Variants in MICAL3 observed in about 807,000 individuals in gnomAD.
The protein encoded by MICAL3 is [F-actin]-monooxygenase MICAL3.
Under a neutral mutation model 207.4 loss-of-function variants are expected in MICAL3, and 62 were observed. That is an observed-to-expected ratio of 0.30 (90% CI 0.24 to 0.37). The LOEUF (loss-of-function observed/expected upper bound fraction) is 0.37, where lower values mean the gene tolerates loss of function less well. MICAL3 is among the 10% of genes least tolerant of loss of function. The pLI is 1.00. For missense variants in MICAL3, 2,368 were observed against 2,635.6 expected, an observed-to-expected ratio of 0.90 and a Z score of 2.22; for synonymous variants, 1,077 against 1,069.3, an observed-to-expected ratio of 1.01 and a Z score of -0.14.
At chr22:17,958,561 G>A (rs554789837) in intron 1 of MICAL3, among the ~76,000 whole-genome samples, 1 of 152,308 alleles carries the variant, frequency 6.6e-6, no homozygotes, top group Non-Finnish European at 1.5e-5. Flanking sequence ...GCCCTCGACA[G>A]GGCAAGCTGA....
intron 16 of MICAL3, chr22:17,884,292 TG>T: frequency 6.3e-7 from 1 of 1,587,430 alleles, no homozygotes; most frequent in Admixed American, 1.8e-5. Flanking sequence ...CACCGGGGGG[TG>T]GGGGCAGGGC....
At chr22:17,994,954 C>A (rs974472000) in intron 1 of MICAL3, among the ~76,000 whole-genome samples, 8 of 151,968 alleles carry the variant, frequency 5.3e-5, no homozygotes, top group Non-Finnish European at 1.0e-4. Context: ...TGCAGACGTG[C>A]CTAATGCAGG....
At chr22:17,812,495 A>G (rs1169159430) in intron 27 of MICAL3, 1 of 985,566 alleles carries the variant, frequency 1.0e-6, no homozygotes, top group African/African-American at 1.7e-5. Flanking sequence ...GCTGACAGGA[A>G]CGAGACACTA....
chr22:17,841,631 G>C lies in MICAL3; in HGVS notation c.2801+191C>G. ...TAAATACTTCCTGAATCTCTGAATT[G>C]AGTCTGATGGAGGAGTCCTCACTGA... On this transcript the variant is annotated intron_variant, in intron 20 of 31. Transcript: ENST00000441493. This position sits in a 1 kb window ranked among gnomAD's most constrained non-coding sequence, Gnocchi z 4.2. 3 of 601,350 alleles carry C rather than the reference G, an allele frequency of 5.0e-6. No individual in the cohort carries two copies. In the South Asian group the frequency reaches 6.0e-5, roughly 12 times the overall value. The allele number at this position is 601,350 out of a possible 1,614,324, so 37.3% of individuals were successfully genotyped here.
intron 19 of MICAL3, among the ~76,000 whole-genome samples, chr22:17,847,867 G>T (rs987452886): frequency 6.6e-6 from 1 of 152,182 alleles, no homozygotes; most frequent in African/African-American, 2.4e-5. Flanking sequence ...GTCTCGCTAT[G>T]TTGCCCAGGC....
intron 1 of MICAL3, chr22:18,005,131 C>T (rs558216429): frequency 4.6e-5 from 7 of 152,100 alleles, no homozygotes; most frequent in South Asian, 2.1e-4. Flanking sequence ...ATGGGGGTTT[C>T]GCTATCTTGG....
At chr22:17,888,168 CA>C (rs1171953327) in intron 13 of MICAL3, among the ~76,000 whole-genome samples, 1 of 152,160 alleles carries the variant, frequency 6.6e-6, no homozygotes, top group Non-Finnish European at 1.5e-5. Flanking sequence ...ATATTATCCC[CA>C]TTTTACACCC....
chr22:17,863,056 C>G, intron 19 of MICAL3: 1 of 985,456 alleles, frequency 1.0e-6, no homozygotes, highest in Non-Finnish European at 1.2e-6. Flanking sequence ...TCTCTCCCCA[C>G]TATGTAGAAC....
At position 17,907,031 on chromosome 22, in the gene MICAL3, A is replaced by G. The variant is rs967608362; in HGVS notation, c.-74-145T>C. Reference sequence around the variant, plus strand: ...ACTGCACACCTGCAATACTCCAGGCACTACGAAACACTGGGGCTGGAAAGG... The same window carrying G: ...ACTGCACACCTGCAATACTCCAGGCGCTACGAAACACTGGGGCTGGAAAGG... On this transcript the variant is annotated intron_variant, in intron 1 of 31. Transcript: ENST00000441493. 91 of 490,274 alleles carry G rather than the reference A, an allele frequency of 1.9e-4. No homozygotes were observed. The East Asian group carries it at 2.6e-3, about 14-fold the overall frequency. The allele number at this position is 490,274 out of a possible 1,614,324, so 30.4% of individuals were successfully genotyped here.
chr22:17,852,990 G>C (rs1299191800), intron 19 of MICAL3, among the ~76,000 whole-genome samples: 1 of 151,616 alleles, frequency 6.6e-6, no homozygotes, highest in Non-Finnish European at 1.5e-5. Flanking sequence ...CAGGAGAATC[G>C]CTTGAACCTG....
At chr22:17,795,977 AG>A (rs764322825) in intron 29 of MICAL3, among the ~76,000 whole-genome samples, 34 of 152,236 alleles carry the variant, frequency 2.2e-4, no homozygotes, top group Admixed American at 6.5e-5. Context: ...ACTGGTTCTA[AG>A]AACAAAGATG....
intron 16 of MICAL3, among the ~76,000 whole-genome samples, chr22:17,878,232 G>C (rs1929067840): frequency 6.6e-6 from 1 of 152,216 alleles, no homozygotes; most frequent in South Asian, 2.1e-4. Flanking sequence ...GCAAAATGGA[G>C]GGCACTGCCC....
chr22:17,986,866 C>G (rs1222314405), intron 1 of MICAL3, among the ~76,000 whole-genome samples: 1 of 152,142 alleles, frequency 6.6e-6, no homozygotes, highest in African/African-American at 2.4e-5. Context: ...TCTTTTCTCC[C>G]ATTTATTTCC....
rs1273750254 is a variant in MICAL3, at chr22:17,877,180, GGGAAGTTAT to G, written c.2242-5166_2242-5158del. On this transcript the variant is annotated intron_variant, in intron 16 of 31. Transcript: ENST00000441493. ...GAGGTTATGGAGGTTAGGGAGGTTA[GGGAAGTTAT>G]GGAGGTTAGGGAGGTTATGGAGGTT... 1.3e-3 allele frequency among the ~76,000 whole-genome samples: 52 copies of G among 38,612 alleles called. 1 individual carries two copies. Among genetic ancestry groups the G allele is most frequent in the Non-Finnish European group, 1.9e-3 (38 of 19,870 alleles). The allele number at this position is 38,612 out of a possible 152,430, so 25.3% of individuals were successfully genotyped here. A position where few individuals can be genotyped will look rare whatever the true frequency, so the allele number is the denominator to read the frequency against.
At chr22:18,006,879 C>T (rs116516409) in intron 1 of MICAL3, among the ~76,000 whole-genome samples, 5,877 of 152,236 alleles carry the variant, frequency 0.039, 133 homozygotes, top group Middle Eastern at 0.061. Context: ...TGTTTTGAGA[C>T]GGAGTCCCTC....
At chr22:17,830,126 TTC>T (rs1324644597) in intron 21 of MICAL3, among the ~76,000 whole-genome samples, 6 of 152,108 alleles carry the variant, frequency 3.9e-5, no homozygotes, top group East Asian at 3.9e-4. Flanking sequence ...GGCCTTGCAG[TTC>T]TGTGTCCCAG....
intron 1 of MICAL3, among the ~76,000 whole-genome samples, chr22:17,942,871 C>T (rs1366725170): frequency 6.6e-6 from 1 of 152,200 alleles, no homozygotes; most frequent in Non-Finnish European, 1.5e-5. Context: ...GCACGACCGT[C>T]CTCTCTACAG....
rs186802661 is a variant in MICAL3 at position 17,987,899 on chromosome 22, C to G, written c.-75+36382G>C. On this transcript the variant is annotated intron_variant, in intron 1 of 31. Coordinates refer to ENST00000441493, the MANE Select transcript of MICAL3 (RefSeq NM_015241.3). ...AGGTAATAGATGGGGAGTGCCTGCA[C>G]TCCTCCTGCAACTTCTCTGTAAACA... 4.8e-4 allele frequency among the ~76,000 whole-genome samples: 73 copies of G among 152,342 alleles called. 1 individual carries two copies. Among genetic ancestry groups the G allele is most frequent in the Admixed American group, 4.8e-3 (73 of 15,312 alleles).
chr22:17,966,688 AGGG>A (rs1935158480), intron 1 of MICAL3, among the ~76,000 whole-genome samples: 1 of 152,170 alleles, frequency 6.6e-6, no homozygotes. Context: ...CCAACTGTCT[AGGG>A]TATTTCTAGG....
Sources: allele counts gnomAD v4.1 joint callset (sites outside exome capture counted in the v4.1 genomes callset), GRCh38; gene constraint gnomAD v4.1.1; non-coding constraint Gnocchi (gnomAD v3.1); transcripts MANE v1.5; gene names NCBI Gene and HGNC (gene_info 2026-07-23, HGNC 2026-07-21).